Variants in SCUBE1 observed in about 807,000 individuals in gnomAD.
SCUBE1 encodes the protein signal peptide, CUB and EGF-like domain-containing protein 1.
A neutral mutation model predicts 124.4 loss-of-function variants in SCUBE1; 59 were observed. That is an observed-to-expected ratio of 0.47 (90% CI 0.38 to 0.59). The LOEUF (loss-of-function observed/expected upper bound fraction) is 0.59, where lower values mean the gene tolerates loss of function less well. SCUBE1 is among the 20% of genes least tolerant of loss of function. SCUBE1 has a pLI of 0.00. For synonymous variants in SCUBE1, 545 were observed against 550.9 expected, an observed-to-expected ratio of 0.99 and a Z score of 0.15; for missense variants, 1,150 against 1,371.2, an observed-to-expected ratio of 0.84 and a Z score of 2.55.
At position 43,229,038 on chromosome 22, in the gene SCUBE1, G is replaced by C. The variant is rs369081726; in HGVS notation, c.1084+34C>G. On this transcript the variant is annotated intron_variant, in intron 9 of 21. Coordinates refer to ENST00000360835, the MANE Select transcript of SCUBE1 (RefSeq NM_173050.5). ...GCCGTGCGGCCAGGCGCGTGCCTCG[G>C]GGGGGAGGTGGCCCTGGCGGGCAGG... is the stretch of plus-strand genomic sequence containing the variant. The C allele has an allele frequency of 1.5e-5, 22 of 1,506,264 alleles. No individual in the cohort carries two copies. The African/African-American group carries it at 1.9e-4, about 13-fold the overall frequency. The allele number at this position is 1,506,264 out of a possible 1,614,324, so 93.3% of individuals were successfully genotyped here.
At chr22:43,307,303 C>T (rs1468518215) in intron 3 of SCUBE1, among the ~76,000 whole-genome samples, 2 of 152,174 alleles carry the variant, frequency 1.3e-5, no homozygotes, top group Non-Finnish European at 1.5e-5. Context: ...CAAGTAGGGG[C>T]CAGCCAAACT....
chr22:43,296,566 A>C (rs1034318228), intron 3 of SCUBE1, among the ~76,000 whole-genome samples: 3 of 152,224 alleles, frequency 2.0e-5, no homozygotes. Flanking sequence ...TCCTTTCAGG[A>C]AATCCTTTCA....
intron 6 of SCUBE1, among the ~76,000 whole-genome samples, chr22:43,247,154 C>T (rs1303886947): frequency 6.6e-6 from 1 of 152,236 alleles, no homozygotes; most frequent in Non-Finnish European, 1.5e-5. Context: ...TAGTGACATG[C>T]TCATGGCCAG....
At chr22:43,327,174 C>A (rs972088179) in intron 2 of SCUBE1, among the ~76,000 whole-genome samples, 50 of 152,262 alleles carry the variant, frequency 3.3e-4, no homozygotes, top group African/African-American at 1.1e-3. Context: ...CACAGGACTG[C>A]CCTGAGAGCT....
chr22:43,285,652 C>T lies in SCUBE1; in HGVS notation c.484+5394G>A, dbSNP rs1053365729. ...GGATACTCTCACAGGGGACTAAGTG[C>T]GGGAGCTGTCAGTAGACAGGGCGGG... On this transcript the variant is annotated intron_variant, in intron 4 of 21. Transcript: ENST00000360835. Among the ~76,000 whole-genome samples the T allele has an allele frequency of 5.9e-5, 9 of 152,132 alleles. No individual in the cohort carries two copies. The East Asian group carries it at 9.6e-4, about 16-fold the overall frequency.
At chr22:43,214,046 C>CCGGGGGGG in intron 16 of SCUBE1, 44 bp downstream of exon 16, 6 of 422,700 alleles carry the variant, frequency 1.4e-5, no homozygotes, top group Non-Finnish European at 2.1e-5. Context: ...GAGGAGCCCC[C>CCGGGGGGG]GCCCACCCCC....
intron 3 of SCUBE1, among the ~76,000 whole-genome samples, chr22:43,309,117 G>A (rs1270414881): frequency 1.3e-5 from 2 of 152,030 alleles, no homozygotes; most frequent in Admixed American, 1.3e-4. Context: ...GCCCAGGCTC[G>A]CCCCCTGCAC....
rs367577598 is a variant in SCUBE1, at chr22:43,204,056, G to A, written c.2908C>T (p.Arg970Trp). ...GAGCGCAGCAGTTTGATGAAGGACC[G>A]TGGGAACATCTCCTTGGATTCCTGG... ...TAQESKEMFP[R>W]SFIKLLRSKV... Residue 970 changes from arginine (R) to tryptophan (W), a missense_variant, in exon 22 of 22, where the codon CGG (arginine) becomes TGG (tryptophan). Physicochemically the swap from Arg to Trp is moderately radical, Grantham distance 101. Coordinates refer to ENST00000360835, the MANE Select transcript of SCUBE1 (RefSeq NM_173050.5). The A allele has an allele frequency of 1.2e-5, 19 of 1,614,040 alleles. No homozygotes were observed. The highest frequency in any genetic ancestry group is 1.7e-5 in the Admixed American group (1 of 60,008).
intron 4 of SCUBE1, among the ~76,000 whole-genome samples, chr22:43,286,827 G>A (rs1000771486): frequency 2.6e-5 from 4 of 152,228 alleles, no homozygotes; most frequent in Non-Finnish European, 5.9e-5. Flanking sequence ...CTGCATTCAC[G>A]TAGCTAGTAA....
chr22:43,319,163 G>A lies in SCUBE1; in HGVS notation c.349+774C>T, dbSNP rs545556236. ...ACACCCAGTACCTCAAAACGTGACT[G>A]TATTTGGAGACAGGGCCTTTAGAGA... On this transcript the variant is annotated intron_variant, in intron 3 of 21. Coordinates refer to ENST00000360835, the MANE Select transcript of SCUBE1 (RefSeq NM_173050.5). Among the ~76,000 whole-genome samples, 4 of 152,322 alleles carry A rather than the reference G, an allele frequency of 2.6e-5. No individual in the cohort carries two copies. In the South Asian group the frequency reaches 8.3e-4, roughly 32 times the overall value.
chr22:43,220,803 G>A (rs1601806425), intron 13 of SCUBE1, among the ~76,000 whole-genome samples: 1 of 152,188 alleles, frequency 6.6e-6, no homozygotes. Context: ...TGCTGCAGGT[G>A]GAGGCATCTC....
rs771888694 is a variant in SCUBE1 at position 43,258,191 on chromosome 22, G to A, written c.727+28C>T. ...GGGGTCGGGGGCGGGGGGCGCAAGG[G>A]TGGTGTGTGGCAGAGGTGCCTACTT... is the stretch of plus-strand genomic sequence containing the variant. On this transcript the variant is annotated intron_variant, in intron 6 of 21. Coordinates refer to ENST00000360835, the MANE Select transcript of SCUBE1 (RefSeq NM_173050.5). This position sits in a 1 kb window ranked among gnomAD's most constrained non-coding sequence, Gnocchi z 5.0. 1.3e-6 allele frequency: 2 copies of A among 1,486,162 alleles called. No homozygotes were observed. The highest frequency in any genetic ancestry group is 1.4e-5 in the African/African-American group (1 of 72,358). The allele number at this position is 1,486,162 out of a possible 1,614,324, so 92.1% of individuals were successfully genotyped here. A position where few individuals can be genotyped will look rare whatever the true frequency, so the allele number is the denominator to read the frequency against.
rs887583429 is a variant in SCUBE1 at position 43,255,669 on chromosome 22, A to G, written c.727+2550T>C. The G allele has an allele frequency of 2.7e-6, 3 of 1,116,270 alleles. No individual in the cohort carries two copies. Among genetic ancestry groups the G allele is most frequent in the Non-Finnish European group, 4.0e-6 (3 of 758,956 alleles). The allele number at this position is 1,116,270 out of a possible 1,614,324, so 69.1% of individuals were successfully genotyped here. On this transcript the variant is annotated intron_variant, in intron 6 of 21. Coordinates refer to ENST00000360835, the MANE Select transcript of SCUBE1 (RefSeq NM_173050.5). This position sits in a 1 kb window ranked among gnomAD's most constrained non-coding sequence, Gnocchi z 4.7. ...GACAGTCAGCCTCTCGGCGTGGCGC[A>G]CGCAAAGCCAACACAACACGCCGGC...
rs1055930684 is a variant in SCUBE1 at position 43,343,315 on chromosome 22, C to G, written c.-54G>C. The G allele has an allele frequency of 1.1e-6, 1 of 891,446 alleles. No homozygotes were observed. The highest frequency in any genetic ancestry group is 1.8e-5 in the African/African-American group (1 of 54,786). 55.2% of individuals were successfully genotyped at this position (891,446 alleles called of 1,614,324 possible). On this transcript the variant is annotated 5_prime_UTR_variant, in exon 1 of 22. Transcript: ENST00000360835. ...GGCGTGCGGGGCGCGGGGACCCGACCGACCGGCCGCTCCCGCAGGCGCTGC... is the reference window on the plus strand; with the variant it reads ...GGCGTGCGGGGCGCGGGGACCCGACGGACCGGCCGCTCCCGCAGGCGCTGC...
intron 10 of SCUBE1, 48 bp downstream of exon 10, chr22:43,227,326 C>G: frequency 6.3e-7 from 1 of 1,580,724 alleles, no homozygotes; most frequent in Non-Finnish European, 8.6e-7. Flanking sequence ...CCCTCCCATC[C>G]AAGCCCAGGT....
chr22:43,220,124 T>C (rs1381505023), intron 14 of SCUBE1, among the ~76,000 whole-genome samples: 1 of 152,118 alleles, frequency 6.6e-6, no homozygotes, highest in African/African-American at 2.4e-5. Context: ...GCTCAACCAT[T>C]CTAGGGGGGC....
intron 3 of SCUBE1, among the ~76,000 whole-genome samples, chr22:43,291,738 A>C (rs975514578): frequency 1.3e-5 from 2 of 152,188 alleles, no homozygotes; most frequent in African/African-American, 4.8e-5. Context: ...CTATGATGCT[A>C]GCTCACTCCA....
At position 43,268,817 on chromosome 22, in the gene SCUBE1, C is replaced by T. The variant is rs575316362; in HGVS notation, c.485-5972G>A. 3.3e-5 allele frequency among the ~76,000 whole-genome samples: 5 copies of T among 152,224 alleles called. No individual in the cohort carries two copies. In the East Asian group the frequency reaches 9.7e-4, roughly 29 times the overall value. Reference sequence around the variant, plus strand: ...CAGAGGGGAGTTGTCAATAGGGGAGCGACACGCTTGTGTGTCAGAAAGATC... The same window carrying T: ...CAGAGGGGAGTTGTCAATAGGGGAGTGACACGCTTGTGTGTCAGAAAGATC... On this transcript the variant is annotated intron_variant, in intron 4 of 21. Transcript: ENST00000360835.
At chr22:43,312,116 T>C (rs1009850984) in intron 3 of SCUBE1, among the ~76,000 whole-genome samples, 1 of 151,920 alleles carries the variant, frequency 6.6e-6, no homozygotes, top group Non-Finnish European at 1.5e-5. Context: ...GGTGAGAGGG[T>C]TTTTAGATTA....
Sources: gnomAD v4.1 joint callset for allele counts (sites outside exome capture counted in the v4.1 genomes callset) on GRCh38, gnomAD v4.1.1 for gene constraint, Gnocchi (gnomAD v3.1) non-coding constraint, MANE v1.5 for transcripts, NCBI Gene and HGNC (gene_info 2026-07-23, HGNC 2026-07-21) for gene names.